The following SYT2 variants were observed in gnomAD, a reference collection of about 807,000 sequenced individuals.
SYT2 encodes synaptotagmin 2.
SYT2 carries 15 observed loss-of-function variants against 39.9 expected under a neutral mutation model. The ratio of observed to expected loss-of-function variants is 0.38; its 90% CI spans 0.25 to 0.58. The LOEUF is 0.58. Ranked by LOEUF, SYT2 falls within the 20% of genes least tolerant of loss-of-function variation. The pLI is 0.70. For synonymous variants in SYT2, 181 were observed against 204.5 expected (o/e 0.89, Z 0.98); for missense variants, 389 against 530.3 (o/e 0.73, Z 2.62).
chr1:202,677,176 C>A (rs1001499159), intron 1 of SYT2, among the ~76,000 whole-genome samples: 4 of 152,176 alleles, frequency 2.6e-5, no homozygotes, highest in Non-Finnish European at 5.9e-5. Flanking sequence ...TCAGGTAGTT[C>A]TTTACAGCAG....
intron 1 of SYT2, among the ~76,000 whole-genome samples, chr1:202,618,513 A>G (rs1691113708): frequency 6.6e-6 from 1 of 152,054 alleles, no homozygotes; most frequent in African/African-American, 2.4e-5. Flanking sequence ...CTCCTCTTGC[A>G]GCAGGCCTGG....
At chr1:202,629,150 T>G (rs1349281094) in intron 1 of SYT2, among the ~76,000 whole-genome samples, 1 of 152,216 alleles carries the variant, frequency 6.6e-6, no homozygotes, top group Non-Finnish European at 1.5e-5. Flanking sequence ...AATACCCTTT[T>G]TTTAAATTAT....
At chr1:202,691,501 C>T (rs1178617273) in intron 1 of SYT2, among the ~76,000 whole-genome samples, 1 of 151,774 alleles carries the variant, frequency 6.6e-6, no homozygotes, top group African/African-American at 2.4e-5. Context: ...ACTTAAAAAA[C>T]TAGCCACATG....
intron 1 of SYT2, among the ~76,000 whole-genome samples, chr1:202,698,535 C>A (rs1338347357): frequency 6.6e-6 from 1 of 152,198 alleles, no homozygotes; most frequent in African/African-American, 2.4e-5. Flanking sequence ...GACTGCCTGG[C>A]CTTCCTGTGA....
chr1:202,673,419 C>T (rs1210204262), intron 1 of SYT2, among the ~76,000 whole-genome samples: 1 of 152,130 alleles, frequency 6.6e-6, no homozygotes, highest in Non-Finnish European at 1.5e-5. Context: ...AAATCAGGCC[C>T]AAACAAACCA....
At chr1:202,704,792 G>C (rs1022992435) in intron 1 of SYT2, among the ~76,000 whole-genome samples, 1 of 151,874 alleles carries the variant, frequency 6.6e-6, no homozygotes, top group South Asian at 2.1e-4. Context: ...GCTGAGGCTG[G>C]AGCAGCTCTG....
At chr1:202,670,119 C>T (rs1301529012) in intron 1 of SYT2, among the ~76,000 whole-genome samples, 1 of 152,176 alleles carries the variant, frequency 6.6e-6, no homozygotes, top group East Asian at 1.9e-4. Flanking sequence ...ACCACTAATG[C>T]TATCAGCCAG....
chr1:202,600,941 C>T (rs1690483368), intron 6 of SYT2, among the ~76,000 whole-genome samples: 1 of 152,144 alleles, frequency 6.6e-6, no homozygotes, highest in Non-Finnish European at 1.5e-5. Flanking sequence ...ACAGTCCCAC[C>T]CACCAAGATC....
chr1:202,604,383 G>C, intron 3 of SYT2, 72 bp downstream of exon 3: 2 of 1,523,366 alleles, frequency 1.3e-6, no homozygotes, highest in South Asian at 2.4e-5. Flanking sequence ...AGGAGCCTTT[G>C]CTTCCCCTTT....
chr1:202,699,014 T>A (rs1394162110), intron 1 of SYT2, among the ~76,000 whole-genome samples: 1 of 144,148 alleles, frequency 6.9e-6, no homozygotes, highest in African/African-American at 2.5e-5. Context: ...AACTGTCTTT[T>A]TTTTTTTTTT....
chr1:202,687,794 A>T (rs1458641319), intron 1 of SYT2, among the ~76,000 whole-genome samples: 1 of 152,174 alleles, frequency 6.6e-6, no homozygotes, highest in Non-Finnish European at 1.5e-5. Context: ...TTTGTTTAAG[A>T]ATAGATCCTC....
At chr1:202,672,234 G>A (rs565199198) in intron 1 of SYT2, among the ~76,000 whole-genome samples, 14 of 152,334 alleles carry the variant, frequency 9.2e-5, no homozygotes, top group Middle Eastern at 3.4e-3. Context: ...GAATGTTTGC[G>A]TCCTCCCAAA....
At chr1:202,693,075 T>C (rs1019223009) in intron 1 of SYT2, among the ~76,000 whole-genome samples, 1 of 152,180 alleles carries the variant, frequency 6.6e-6, no homozygotes, top group African/African-American at 2.4e-5. Context: ...TACTGAGATA[T>C]TGATGCATCC....
chr1:202,683,962 T>C (rs1653593442), intron 1 of SYT2, among the ~76,000 whole-genome samples: 1 of 152,044 alleles, frequency 6.6e-6, no homozygotes, highest in Non-Finnish European at 1.5e-5. Flanking sequence ...CTATCAACAC[T>C]TAGGATTTGT....
intron 1 of SYT2, among the ~76,000 whole-genome samples, chr1:202,697,784 T>C (rs1443653688): frequency 3.3e-5 from 5 of 152,246 alleles, no homozygotes; most frequent in African/African-American, 9.6e-5. Flanking sequence ...GATCATTACA[T>C]TGTGCATCTT....
intron 1 of SYT2, among the ~76,000 whole-genome samples, chr1:202,621,528 C>G (rs1691202351): frequency 6.6e-6 from 1 of 152,162 alleles, no homozygotes; most frequent in African/African-American, 2.4e-5. Context: ...AACTCCTGGC[C>G]TCATGAACTC....
At chr1:202,653,182 C>A (rs1692222606) in intron 1 of SYT2, among the ~76,000 whole-genome samples, 1 of 152,190 alleles carries the variant, frequency 6.6e-6, no homozygotes, top group African/African-American at 2.4e-5. Context: ...AACGGCCCCA[C>A]CTGATCACTC....
intron 1 of SYT2, among the ~76,000 whole-genome samples, chr1:202,705,519 AC>A (rs1031082581): frequency 6.6e-6 from 1 of 152,022 alleles, no homozygotes. Context: ...GCAGCAGGTA[AC>A]CCCCCTTTCT....
At chr1:202,657,666 C>T (rs1475019686) in intron 1 of SYT2, among the ~76,000 whole-genome samples, 1 of 151,952 alleles carries the variant, frequency 6.6e-6, no homozygotes, top group East Asian at 1.9e-4. Context: ...TCTTGGCCTC[C>T]CCCTTCCCCT....
Sources: gnomAD v4.1 joint callset for allele counts (sites outside exome capture counted in the v4.1 genomes callset) on GRCh38, gnomAD v4.1.1 for gene constraint, MANE v1.5 for transcripts, NCBI Gene and HGNC (gene_info 2026-07-23, HGNC 2026-07-21) for gene names.